Variants in NPAS3 observed in about 807,000 individuals in gnomAD.
NPAS3 encodes the protein neuronal PAS domain-containing protein 3.
In NPAS3, 14 loss-of-function variants were observed where a neutral mutation model predicts 73.1. The ratio of observed to expected loss-of-function variants is 0.19; its 90% confidence interval spans 0.13 to 0.30. The LOEUF (loss-of-function observed/expected upper bound fraction) is 0.30, where lower values mean the gene tolerates loss of function less well. NPAS3 is among the 10% of genes least tolerant of loss of function. NPAS3 has a pLI of 1.00. For missense variants in NPAS3, 1,096 were observed against 1,250.0 expected, an observed-to-expected ratio of 0.88 and a Z score of 1.86; for synonymous variants, 620 against 541.5, an observed-to-expected ratio of 1.14 and a Z score of -2.01.
In NPAS3 at chr14:33,095,876, G is replaced by C. The variant is rs565116486; in HGVS notation, c.140+39882G>C. 3.8e-3 allele frequency among the ~76,000 whole-genome samples: 581 copies of C among 151,566 alleles called. 6 individuals are homozygous for C. The highest frequency in any genetic ancestry group is 5.3e-3 in the Non-Finnish European group (361 of 67,884). On this transcript the variant is annotated intron_variant, in intron 2 of 11. Transcript: ENST00000356141. ...TTTAGTAGAGACGGGGTTTCACCGT[G>C]TTTGCCAGGATGGTCTCGATCTCCT...
In NPAS3 at chr14:33,774,761, A is replaced by G. The variant is rs984018377; in HGVS notation, c.1046+231A>G. 7.2e-5 allele frequency among the ~76,000 whole-genome samples: 11 copies of G among 152,344 alleles called. 1 individual carries two copies. Among genetic ancestry groups the G allele is most frequent in the African/African-American group, 2.6e-4 (11 of 41,578 alleles). ...AATGAATCGGGATACCCAGACATCC[A>G]TATGCTATAAAGAAGGTCCATTTTG... On this transcript the variant is annotated intron_variant, in intron 8 of 11. Coordinates refer to ENST00000356141, the Ensembl canonical transcript of NPAS3.
intron 3 of NPAS3, among the ~76,000 whole-genome samples, chr14:33,260,046 C>A (rs2139948878): frequency 6.6e-6 from 1 of 152,196 alleles, no homozygotes; most frequent in African/African-American, 2.4e-5. Context: ...TTGCATGCAG[C>A]CGGCATTTTG....
At chr14:33,244,357 T>G (rs1033529003) in intron 3 of NPAS3, among the ~76,000 whole-genome samples, 1 of 152,190 alleles carries the variant, frequency 6.6e-6, no homozygotes, top group African/African-American at 2.4e-5. Flanking sequence ...ATTTATTTAC[T>G]TTATCAGTCT....
chr14:33,424,754 G>C (rs1313251520), intron 4 of NPAS3, among the ~76,000 whole-genome samples: 2 of 151,780 alleles, frequency 1.3e-5, no homozygotes, highest in African/African-American at 4.8e-5. Flanking sequence ...GGAATAGTGA[G>C]CTCCATTGGA....
chr14:33,119,640 A>G (rs2043170478), intron 2 of NPAS3, among the ~76,000 whole-genome samples: 1 of 152,086 alleles, frequency 6.6e-6, no homozygotes, highest in Non-Finnish European at 1.5e-5. Context: ...AAATTACCTC[A>G]CACCATCTGT....
intron 5 of NPAS3, among the ~76,000 whole-genome samples, chr14:33,642,411 G>A (rs895649593): frequency 6.6e-6 from 1 of 152,216 alleles, no homozygotes; most frequent in Non-Finnish European, 1.5e-5. Flanking sequence ...TAAGAAGACA[G>A]AGAGGAATGT....
chr14:33,575,132 G>A (rs2056382980), intron 5 of NPAS3, among the ~76,000 whole-genome samples: 1 of 152,184 alleles, frequency 6.6e-6, no homozygotes, highest in Non-Finnish European at 1.5e-5. Flanking sequence ...AAATTCTAAG[G>A]AGAGTAATGG....
intron 6 of NPAS3, chr14:33,680,908 G>A (rs1367756931): frequency 2.1e-6 from 1 of 478,342 alleles, no homozygotes; most frequent in Non-Finnish European, 3.7e-6. Flanking sequence ...CTGTTTTGTG[G>A]CATTAGGATC....
At chr14:33,456,882 G>T (rs200242853) in intron 4 of NPAS3, among the ~76,000 whole-genome samples, 1 of 152,080 alleles carries the variant, frequency 6.6e-6, no homozygotes, top group Non-Finnish European at 1.5e-5. Flanking sequence ...AAACCAGAAG[G>T]CTCCTCAGCT....
At chr14:33,697,013 T>C (rs966281001) in intron 6 of NPAS3, among the ~76,000 whole-genome samples, 1 of 152,236 alleles carries the variant, frequency 6.6e-6, no homozygotes, top group African/African-American at 2.4e-5. Context: ...CATTCAGTGA[T>C]GGGCCTTTTC....
intron 4 of NPAS3, among the ~76,000 whole-genome samples, chr14:33,390,753 G>A (rs999249864): frequency 1.8e-4 from 28 of 152,130 alleles, no homozygotes; most frequent in Non-Finnish European, 4.0e-4. Flanking sequence ...GTATGCATCT[G>A]TGCTTGTGTG....
At chr14:33,339,445 G>A (rs1273706730) in intron 3 of NPAS3, among the ~76,000 whole-genome samples, 1 of 152,010 alleles carries the variant, frequency 6.6e-6, no homozygotes, top group Non-Finnish European at 1.5e-5. Context: ...ATGCTAAAAG[G>A]GTGTTCAAAA....
intron 2 of NPAS3, among the ~76,000 whole-genome samples, chr14:33,204,345 C>A (rs1216123822): frequency 6.6e-6 from 1 of 152,058 alleles, no homozygotes; most frequent in African/African-American, 2.4e-5. Flanking sequence ...AAGGGCCAAA[C>A]CTACTGGAGA....
chr14:33,247,243 AT>A (rs1311890051), intron 3 of NPAS3, among the ~76,000 whole-genome samples: 2 of 152,040 alleles, frequency 1.3e-5, no homozygotes, highest in East Asian at 3.9e-4. Flanking sequence ...TTTAATTTTA[AT>A]TTTTTTAGCA....
intron 1 of NPAS3, among the ~76,000 whole-genome samples, chr14:33,008,420 A>G (rs2039074840): frequency 6.6e-6 from 1 of 152,244 alleles, no homozygotes. Context: ...GTGAATTTAT[A>G]TAAAGAAGCT....
chr14:33,525,949 G>C (rs898867599), intron 4 of NPAS3, among the ~76,000 whole-genome samples: 2 of 151,906 alleles, frequency 1.3e-5, no homozygotes, highest in Admixed American at 6.6e-5. Context: ...TAAATGAGAA[G>C]AGACAGATAA....
intron 4 of NPAS3, among the ~76,000 whole-genome samples, chr14:33,538,015 G>C (rs1448778393): frequency 6.6e-6 from 1 of 151,816 alleles, no homozygotes; most frequent in East Asian, 1.9e-4. Context: ...CTAAGCATCG[G>C]GTTGTGGTGG....
At chr14:33,694,086 A>G (rs918721270) in intron 6 of NPAS3, among the ~76,000 whole-genome samples, 3 of 152,128 alleles carry the variant, frequency 2.0e-5, no homozygotes, top group Non-Finnish European at 4.4e-5. Context: ...TTAAGATTAA[A>G]TGTTGTCAAC....
chr14:33,627,306 C>T (rs901015733), intron 5 of NPAS3, among the ~76,000 whole-genome samples: 2 of 152,038 alleles, frequency 1.3e-5, no homozygotes, highest in African/African-American at 4.8e-5. Flanking sequence ...AATAAAGATA[C>T]ATTCTGATAC....
Sources: allele counts gnomAD v4.1 joint callset (sites outside exome capture counted in the v4.1 genomes callset), GRCh38; gene constraint gnomAD v4.1.1; transcripts MANE v1.5; gene names NCBI Gene and HGNC (gene_info 2026-07-23, HGNC 2026-07-21).